Variants in TOP3A observed in about 807,000 individuals in gnomAD.
TOP3A encodes DNA topoisomerase 3-alpha.
In TOP3A, 64 loss-of-function variants were observed where a neutral mutation model predicts 111.3. The observed-to-expected ratio is 0.57, with a 90% CI of 0.47 to 0.71. TOP3A has a LOEUF of 0.71. TOP3A is among the 30% of genes least tolerant of loss of function. TOP3A has a pLI of 0.00. For missense variants in TOP3A, 1,104 were observed against 1,285.0 expected (o/e 0.86, Z 2.15); for synonymous variants, 484 against 485.1 (o/e 1.00, Z 0.03).
intron 1 of TOP3A, among the ~76,000 whole-genome samples, chr17:18,311,703 G>C (rs1372461982): frequency 2.6e-5 from 4 of 152,258 alleles, no homozygotes. Context: ...TAGAGTCCAA[G>C]GAGAGGCAGT....
intron 10 of TOP3A, among the ~76,000 whole-genome samples, chr17:18,293,620 G>A (rs762972631): frequency 8.4e-5 from 12 of 143,356 alleles, no homozygotes; most frequent in Admixed American, 1.4e-4. Context: ...CCCAAGAGAC[G>A]GAGTCTTGCT....
chr17:18,283,825 C>T (rs1334549265), intron 15 of TOP3A, among the ~76,000 whole-genome samples: 1 of 152,142 alleles, frequency 6.6e-6, no homozygotes, highest in Admixed American at 6.5e-5. Flanking sequence ...CAGGGAAACA[C>T]TTTACTTATG....
chr17:18,272,519 A>T lies in TOP3A; in HGVS notation c.*2283T>A, dbSNP rs193242450. Among the ~76,000 whole-genome samples the T allele has an allele frequency of 6.6e-6, 1 of 152,344 alleles. No homozygotes were observed. Among genetic ancestry groups the T allele is most frequent in the East Asian group, 1.9e-4 (1 of 5,188 alleles). ...TCACAATAGCCAAAAAGTGGAAACA[A>T]CCCAATGTCCATCAACTGACAAATG... On this transcript the variant is annotated 3_prime_UTR_variant, in exon 19 of 19. Coordinates refer to ENST00000321105, the MANE Select transcript of TOP3A (RefSeq NM_004618.5).
chr17:18,297,349 C>T (rs1181098153), intron 9 of TOP3A, among the ~76,000 whole-genome samples: 10 of 152,172 alleles, frequency 6.6e-5, no homozygotes, highest in Admixed American at 5.2e-4. Context: ...CACTTGAACC[C>T]GGGAGGCAGA....
chr17:18,279,536 G>GT (rs1979621613), intron 17 of TOP3A, among the ~76,000 whole-genome samples: 1 of 80,980 alleles, frequency 1.2e-5, no homozygotes, highest in African/African-American at 6.7e-5. Flanking sequence ...GATTACAGGC[G>GT]TGAGCCACCA....
At position 18,278,337 on chromosome 17, in the gene TOP3A, C is replaced by T. The variant is rs200281269; in HGVS notation, c.2165G>A (p.Arg722His). Reference protein sequence around the residue: ...PVYRLKLKFKRGSLPPTMPLE... With the variant: ...PVYRLKLKFKHGSLPPTMPLE... ...AGGCATGGTCGGGGGAAGGCTACCG[C>T]GCTTAAACTTTAACTTTAACCTAGT... The change falls in exon 18 of 19, where the codon CGC becomes CAC. Residue 722 changes from arginine (R) to histidine (H), a missense_variant. Arg to His is a conservative substitution (Grantham distance 29). Coordinates refer to ENST00000321105, the MANE Select transcript of TOP3A (RefSeq NM_004618.5). 273 of 1,513,352 alleles carry T rather than the reference C, an allele frequency of 1.8e-4. 1 individual carries two copies. In the Middle Eastern group the frequency reaches 2.2e-3, roughly 12 times the overall value. 93.7% of individuals were successfully genotyped at this position (1,513,352 alleles called of 1,614,324 possible).
chr17:18,278,689 T>A (rs1979563288), intron 17 of TOP3A, among the ~76,000 whole-genome samples: 1 of 152,102 alleles, frequency 6.6e-6, no homozygotes, highest in Admixed American at 6.6e-5. Flanking sequence ...AGTGCAAAAC[T>A]CTTTTATAGG....
chr17:18,291,145 C>CACT, intron 11 of TOP3A, 118 bp from the exon 12 acceptor site: 1 of 1,037,342 alleles, frequency 9.6e-7, no homozygotes, highest in Non-Finnish European at 1.4e-6. Flanking sequence ...GCTCCTCAGG[C>CACT]CCTGCACTAA....
Position 18,308,338 on chromosome 17 carries a change from G to C in TOP3A, c.314+13C>G, listed in dbSNP as rs762157127. The stretch of plus-strand genomic sequence containing the variant: ...TATAATCTGAAAGTCCTTCCCTTGA[G>C]AATTGTACTGACCATTTTCGAAACT... On this transcript the variant is annotated intron_variant, in intron 3 of 18. Transcript: ENST00000321105. 3 of 1,559,890 alleles carry C rather than the reference G, an allele frequency of 1.9e-6. No individual in the cohort carries two copies. The South Asian group carries it at 3.5e-5, about 18-fold the overall frequency.
At position 18,290,851 on chromosome 17, in the gene TOP3A, C is replaced by G. The variant is rs1285538297; in HGVS notation, c.1458G>C (p.Trp486Cys). ...NYLDVYPYDH[W>C]SDKILPVYEQ... is the part of the protein sequence containing the mutation. ...GACCACTCTTTATTACCTTGTCACT[C>G]CAGTGATCATATGGATACACATCCA... Residue 486 changes from tryptophan to cysteine, a missense_variant, in exon 12 of 19, where the codon TGG becomes TGC. Coordinates refer to ENST00000321105, the MANE Select transcript of TOP3A (RefSeq NM_004618.5). The G allele has an allele frequency of 6.2e-7, 1 of 1,614,028 alleles. No homozygotes were observed. Among genetic ancestry groups the G allele is most frequent in the African/African-American group, 1.3e-5 (1 of 74,932 alleles).
Position 18,308,936 on chromosome 17 carries a change from T to C in TOP3A, c.186A>G (p.Glu62=), listed in dbSNP as rs746470156. 65 of 1,532,214 alleles carry C rather than the reference T, an allele frequency of 4.2e-5. No homozygotes were observed. The highest frequency in any genetic ancestry group is 5.3e-5 in the Non-Finnish European group (60 of 1,124,944). 94.9% of individuals were successfully genotyped at this position (1,532,214 alleles called of 1,614,324 possible). A position where few individuals can be genotyped will look rare whatever the true frequency, so the allele number is the denominator to read the frequency against. The change falls in exon 2 of 19, where the codon GAA becomes GAG. Residue 62 remains glutamate, a synonymous_variant. Coordinates refer to ENST00000321105, the MANE Select transcript of TOP3A (RefSeq NM_004618.5). ...LLSNGRMRRR[E]GLSKFNKIYE... ...AGATCTTGTTGAATTTTGAAAGTCC[T>C]TCTCTCTATAAAACAAAAATAAGTA...
intron 8 of TOP3A, 152 bp from the exon 9 acceptor site, chr17:18,299,785 C>T (rs534626832): frequency 5.3e-5 from 37 of 702,366 alleles, no homozygotes; most frequent in African/African-American, 3.9e-4. Context: ...CACTTAATGT[C>T]GCTTGTAGCT....
In TOP3A at chr17:18,280,631, T is replaced by C. The variant is rs1451212653; in HGVS notation, c.2049A>G (p.Pro683=). The change falls in exon 17 of 19, where the codon CCA becomes CCG. Residue 683 remains proline (P), a synonymous_variant. Transcript: ENST00000321105. ...GAAGCCACACAGCTGAGCGACACTC[T>C]GGGAAACCCATGCAGCTGAGGTAGA... is the stretch of plus-strand genomic sequence containing the variant. ...GGFYLSCMGF[P]ECRSAVWLPD... The C allele has an allele frequency of 6.2e-7, 1 of 1,614,138 alleles. No homozygotes were observed.
intron 2 of TOP3A, chr17:18,308,626 G>A (rs928936024): frequency 6.1e-6 from 3 of 488,578 alleles, no homozygotes; most frequent in Non-Finnish European, 1.1e-5. Flanking sequence ...TATAACTGAC[G>A]CCTCTTGCAT....
intron 9 of TOP3A, among the ~76,000 whole-genome samples, chr17:18,297,809 A>C (rs1341817947): frequency 6.6e-6 from 1 of 152,022 alleles, no homozygotes; most frequent in Non-Finnish European, 1.5e-5. Flanking sequence ...TTGGCCTCCC[A>C]AAGTGCCGAG....
chr17:18,276,412 G>T (rs1279970822), intron 18 of TOP3A, among the ~76,000 whole-genome samples: 3 of 152,204 alleles, frequency 2.0e-5, no homozygotes, highest in African/African-American at 7.2e-5. Context: ...GTCTCTCACT[G>T]CAATGGCCAT....
rs777258657 is a variant in TOP3A at position 18,292,756 on chromosome 17, C to T, written c.1170G>A (p.Gly390=). The T allele has an allele frequency of 3.7e-6, 6 of 1,613,622 alleles. No homozygotes were observed. The highest frequency in any genetic ancestry group is 1.7e-5 in the Admixed American group (1 of 59,954). The part of the protein sequence containing the change: ...VEQQTPDPRW[G]AFAQSILERG... ...GCTCTAGAATGCTCTGGGCAAAGGC[C>T]CCCCAGCGTGGATCGGGGGTCTGCT... Residue 390 remains glycine, a synonymous_variant, in exon 11 of 19, where the codon GGG becomes GGA. Coordinates refer to ENST00000321105, the MANE Select transcript of TOP3A (RefSeq NM_004618.5).
At chr17:18,309,814 A>C (rs1981805299) in intron 1 of TOP3A, among the ~76,000 whole-genome samples, 1 of 140,822 alleles carries the variant, frequency 7.1e-6, no homozygotes, top group South Asian at 2.4e-4. Flanking sequence ...GGTTCACACC[A>C]TTCTCCTGCC....
At chr17:18,299,102 C>T (rs1981058893) in intron 9 of TOP3A, among the ~76,000 whole-genome samples, 1 of 149,252 alleles carries the variant, frequency 6.7e-6, no homozygotes, top group South Asian at 2.2e-4. Context: ...AGCAAAACTC[C>T]ATCTCAAAAA....
Sources: allele counts gnomAD v4.1 joint callset (sites outside exome capture counted in the v4.1 genomes callset), GRCh38; gene constraint gnomAD v4.1.1; transcripts MANE v1.5; gene names NCBI Gene and HGNC (gene_info 2026-07-23, HGNC 2026-07-21).